TBC1D22A: variants seen among roughly 807,000 people sequenced by gnomAD.
TBC1D22A encodes TBC1 domain family member 22A.
TBC1D22A carries 38 observed loss-of-function variants against 60.2 expected under a neutral mutation model. The observed-to-expected ratio is 0.63, with a 90% CI of 0.49 to 0.83. The LOEUF is 0.83. TBC1D22A is among the 40% of genes least tolerant of loss of function. The probability of loss-of-function intolerance (pLI) is 0.00; values close to 1 mark genes in which losing one functional copy is unlikely to be tolerated. For synonymous variants in TBC1D22A, 302 were observed against 281.7 expected (o/e 1.07, Z -0.72); for missense variants, 628 against 701.0 (o/e 0.90, Z 1.18).
At chr22:46,820,817 T>C (rs1089343) in intron 4 of TBC1D22A, among the ~76,000 whole-genome samples, 8,106 of 152,164 alleles carry the variant, frequency 0.053, 740 homozygotes, top group African/African-American at 0.18. Flanking sequence ...CTAATACTGA[T>C]AGTGGGGTGT....
chr22:47,148,926 C>G (rs1000723708), intron 12 of TBC1D22A, among the ~76,000 whole-genome samples: 1 of 149,038 alleles, frequency 6.7e-6, no homozygotes, highest in South Asian at 2.1e-4. Context: ...TCCCTTCATG[C>G]AGGTTCTAGG....
intron 11 of TBC1D22A, among the ~76,000 whole-genome samples, chr22:47,037,623 T>C (rs2062699189): frequency 6.6e-6 from 1 of 152,098 alleles, no homozygotes; most frequent in African/African-American, 2.4e-5. Context: ...AGAGCGAGAC[T>C]CCATCTCAAA....
At chr22:46,778,145 C>T (rs1007899104) in intron 1 of TBC1D22A, among the ~76,000 whole-genome samples, 1 of 151,278 alleles carries the variant, frequency 6.6e-6, no homozygotes, top group Admixed American at 6.6e-5. Context: ...TGGACGGTGC[C>T]CTTGGTGGGT....
At chr22:46,919,618 C>T (rs2147831331) in intron 8 of TBC1D22A, among the ~76,000 whole-genome samples, 1 of 152,238 alleles carries the variant, frequency 6.6e-6, no homozygotes, top group Non-Finnish European at 1.5e-5. Context: ...GGACTGCTTT[C>T]CCACGTGGCG....
chr22:47,109,983 C>T (rs2065788298), intron 11 of TBC1D22A, among the ~76,000 whole-genome samples: 1 of 152,054 alleles, frequency 6.6e-6, no homozygotes, highest in African/African-American at 2.4e-5. Context: ...CGGAGGGATG[C>T]TTTTGAAGCC....
intron 3 of TBC1D22A, 118 bp downstream of exon 3, chr22:46,793,959 T>G (rs2084540033): frequency 2.0e-6 from 2 of 1,011,104 alleles, no homozygotes; most frequent in South Asian, 1.7e-5. Flanking sequence ...GCAGGCCCCC[T>G]GGCCCACGAG....
At chr22:46,789,862 C>T (rs1039705018) in intron 1 of TBC1D22A, among the ~76,000 whole-genome samples, 3 of 152,042 alleles carry the variant, frequency 2.0e-5, no homozygotes, top group African/African-American at 7.3e-5. Context: ...AGGGTAGGAA[C>T]GAGCCCTCTA....
chr22:47,119,020 A>T (rs1250841300), intron 12 of TBC1D22A, among the ~76,000 whole-genome samples: 1 of 152,104 alleles, frequency 6.6e-6, no homozygotes, highest in African/African-American at 2.4e-5. Flanking sequence ...GTGGTGGCGC[A>T]TGCCTGTAAT....
At chr22:47,132,967 T>C (rs1461497801) in intron 12 of TBC1D22A, among the ~76,000 whole-genome samples, 1 of 152,192 alleles carries the variant, frequency 6.6e-6, no homozygotes, top group African/African-American at 2.4e-5. Flanking sequence ...AAGGGCTCAC[T>C]TGGATGTGAG....
chr22:47,030,832 G>T (rs541633709), intron 10 of TBC1D22A, among the ~76,000 whole-genome samples: 1 of 152,378 alleles, frequency 6.6e-6, no homozygotes, highest in Non-Finnish European at 1.5e-5. Flanking sequence ...TAAATGGGAA[G>T]TAATGCCTGG....
rs920274455 is a variant in TBC1D22A, at chr22:46,777,423, T to G, written c.62+14575T>G. On this transcript the variant is annotated intron_variant, in intron 1 of 12. Transcript: ENST00000337137. The surrounding 1 kb of genome is among the most constrained non-coding windows in gnomAD (Gnocchi z 4.5). ...GGCCGGTGGGGCACAGCTGATTTTTTGGGGGAACCCGTTGACGTGAGGTGG... is the reference window on the plus strand; with the variant it reads ...GGCCGGTGGGGCACAGCTGATTTTTGGGGGGAACCCGTTGACGTGAGGTGG... Among the ~76,000 whole-genome samples, 19 of 152,040 alleles carry G rather than the reference T, an allele frequency of 1.2e-4. No homozygotes were observed. The highest frequency in any genetic ancestry group is 2.5e-4 in the Non-Finnish European group (17 of 68,010).
intron 1 of TBC1D22A, among the ~76,000 whole-genome samples, chr22:46,774,878 C>T (rs1009076627): frequency 6.6e-6 from 1 of 152,256 alleles, no homozygotes; most frequent in African/African-American, 2.4e-5. Context: ...GCTGTGTGCA[C>T]CGGAGCCCGG....
chr22:46,999,213 A>G (rs1340340631), intron 10 of TBC1D22A, among the ~76,000 whole-genome samples: 1 of 152,256 alleles, frequency 6.6e-6, no homozygotes, highest in Non-Finnish European at 1.5e-5. Context: ...AAAGAAGCAC[A>G]TTGCGGATTC....
chr22:46,809,607 GA>G (rs1218875112), intron 4 of TBC1D22A, among the ~76,000 whole-genome samples: 1 of 151,492 alleles, frequency 6.6e-6, no homozygotes, highest in African/African-American at 2.4e-5. Flanking sequence ...GGCAGTATGG[GA>G]AACAGGACCA....
chr22:46,788,761 CTT>C (rs2084275071), intron 1 of TBC1D22A, among the ~76,000 whole-genome samples: 1 of 152,234 alleles, frequency 6.6e-6, no homozygotes, highest in African/African-American at 2.4e-5. Flanking sequence ...TGGATGCTGA[CTT>C]TAGAATTTTC....
intron 12 of TBC1D22A, among the ~76,000 whole-genome samples, chr22:47,118,412 T>C (rs1456044288): frequency 2.6e-5 from 4 of 152,128 alleles, no homozygotes; most frequent in African/African-American, 9.7e-5. Flanking sequence ...CCCTTCAAAA[T>C]AATGTGGGTC....
chr22:46,826,767 G>C (rs2086085167), intron 4 of TBC1D22A, among the ~76,000 whole-genome samples: 1 of 152,072 alleles, frequency 6.6e-6, no homozygotes, highest in Non-Finnish European at 1.5e-5. Flanking sequence ...GTTTCAGAGG[G>C]GTGACTGGAC....
chr22:46,982,004 C>T (rs2074532267), intron 9 of TBC1D22A, among the ~76,000 whole-genome samples: 1 of 152,108 alleles, frequency 6.6e-6, no homozygotes, highest in Non-Finnish European at 1.5e-5. Flanking sequence ...GGGGGATTAG[C>T]AGATTGAGAA....
At chr22:47,024,345 A>G (rs2062183266) in intron 10 of TBC1D22A, among the ~76,000 whole-genome samples, 2 of 152,258 alleles carry the variant, frequency 1.3e-5, no homozygotes, top group South Asian at 4.1e-4. Context: ...TAATAGTAGT[A>G]TGGCAGGTTC....
Sources: allele counts gnomAD v4.1 joint callset (sites outside exome capture counted in the v4.1 genomes callset), GRCh38; gene constraint gnomAD v4.1.1; non-coding constraint Gnocchi (gnomAD v3.1); transcripts MANE v1.5; gene names NCBI Gene and HGNC (gene_info 2026-07-23, HGNC 2026-07-21).